Variants in CDK8 observed in about 807,000 individuals in gnomAD.
CDK8 encodes the protein cyclin dependent kinase 8, also known as cyclin-dependent kinase 8.
Under a neutral mutation model 71.5 loss-of-function variants are expected in CDK8, and 29 were observed. The ratio of observed to expected loss-of-function variants is 0.41; its 90% CI spans 0.30 to 0.55. CDK8 has a LOEUF of 0.55. Ranked by LOEUF, CDK8 falls within the 20% of genes least tolerant of loss-of-function variation. The pLI, the probability that CDK8 is intolerant of heterozygous loss-of-function variation, is 0.37. For missense variants in CDK8, 288 were observed against 572.6 expected (o/e 0.50, Z 5.07); for synonymous variants, 161 against 192.1 (o/e 0.84, Z 1.34).
chr13:26,293,340 C>T (rs143496336), intron 1 of CDK8, among the ~76,000 whole-genome samples: 3,772 of 152,044 alleles, frequency 0.025, 117 homozygotes, highest in South Asian at 0.078. Flanking sequence ...TGGTGGCTCA[C>T]GCCTGTAATC....
intron 1 of CDK8, among the ~76,000 whole-genome samples, chr13:26,269,303 A>T (rs1005756018): frequency 6.6e-6 from 1 of 152,204 alleles, no homozygotes; most frequent in Non-Finnish European, 1.5e-5. Flanking sequence ...AAATACACAT[A>T]TATTTTTATC....
At chr13:26,347,692 C>T (rs1235102541) in intron 2 of CDK8, among the ~76,000 whole-genome samples, 3 of 152,170 alleles carry the variant, frequency 2.0e-5, no homozygotes, top group Admixed American at 6.5e-5. Flanking sequence ...AGATGTTCGA[C>T]ACCATTATTG....
rs1258708871 is a variant in CDK8, at chr13:26,254,851, C to T, written c.128+82C>T. On this transcript the variant is annotated intron_variant, in intron 1 of 12. Coordinates refer to ENST00000381527, the MANE Select transcript of CDK8 (RefSeq NM_001260.3). This position sits in a 1 kb window ranked among gnomAD's most constrained non-coding sequence, Gnocchi z 6.7. ...GCAGGTAGCCCGGAGGGAGAGCGGG[C>T]CGCCGGGGTGCCGGGCTCTGACTTC... The T allele has an allele frequency of 8.4e-6, 13 of 1,546,554 alleles. No homozygotes were observed. Among genetic ancestry groups the T allele is most frequent in the East Asian group, 2.4e-5 (1 of 42,544 alleles).
intron 4 of CDK8, among the ~76,000 whole-genome samples, chr13:26,369,347 G>A (rs1029256587): frequency 6.6e-6 from 1 of 150,670 alleles, no homozygotes; most frequent in African/African-American, 2.4e-5. Context: ...CTACTCAGGA[G>A]GCTGAAGTGG....
chr13:26,334,345 A>G (rs923923893), intron 1 of CDK8, among the ~76,000 whole-genome samples: 1 of 152,220 alleles, frequency 6.6e-6, no homozygotes, highest in Non-Finnish European at 1.5e-5. Flanking sequence ...CAGTAGATAT[A>G]ATAGAATGTG....
intron 2 of CDK8, among the ~76,000 whole-genome samples, chr13:26,338,812 G>T (rs993382818): frequency 6.6e-6 from 1 of 152,134 alleles, no homozygotes; most frequent in African/African-American, 2.4e-5. Context: ...AAGTCAGGAT[G>T]TTGATTACCC....
intron 1 of CDK8, among the ~76,000 whole-genome samples, chr13:26,286,081 C>T (rs1873005287): frequency 6.6e-6 from 1 of 152,182 alleles, no homozygotes; most frequent in Non-Finnish European, 1.5e-5. Context: ...AATGACCATA[C>T]TGCCAAAAGC....
At chr13:26,276,158 C>A (rs7997534) in intron 1 of CDK8, among the ~76,000 whole-genome samples, 25,879 of 152,016 alleles carry the variant, frequency 0.17, 3,876 homozygotes, top group African/African-American at 0.41. Context: ...ACCGGCTGTA[C>A]CTTTTAAATA....
chr13:26,317,242 A>G (rs1207772004), intron 1 of CDK8, among the ~76,000 whole-genome samples: 2 of 152,210 alleles, frequency 1.3e-5, no homozygotes, highest in African/African-American at 4.8e-5. Context: ...ATTATATATT[A>G]GTACAGAATT....
intron 12 of CDK8, among the ~76,000 whole-genome samples, chr13:26,402,500 T>C (rs920961522): frequency 2.6e-5 from 4 of 152,232 alleles, no homozygotes; most frequent in African/African-American, 9.6e-5. Flanking sequence ...AGAGATGTTA[T>C]TAAACTGATA....
intron 4 of CDK8, among the ~76,000 whole-genome samples, chr13:26,363,501 T>TA (rs932747001): frequency 6.6e-5 from 10 of 152,016 alleles, no homozygotes; most frequent in African/African-American, 2.4e-4. Context: ...CTTCAAAGCT[T>TA]ATTTTGGAAA....
At chr13:26,283,670 C>CG (rs1566470979) in intron 1 of CDK8, among the ~76,000 whole-genome samples, 1 of 152,040 alleles carries the variant, frequency 6.6e-6, no homozygotes, top group Non-Finnish European at 1.5e-5. Context: ...GAGGCTGAGG[C>CG]GGGCGGATCA....
At chr13:26,317,683 T>A (rs1247502926) in intron 1 of CDK8, among the ~76,000 whole-genome samples, 1 of 152,176 alleles carries the variant, frequency 6.6e-6, no homozygotes, top group Non-Finnish European at 1.5e-5. Context: ...CAACACACTC[T>A]TTAAACTTCT....
chr13:26,383,379 G>C (rs779624424), intron 5 of CDK8, among the ~76,000 whole-genome samples: 1 of 152,152 alleles, frequency 6.6e-6, no homozygotes, highest in Non-Finnish European at 1.5e-5. Context: ...GCCTTTCCCT[G>C]ATGGGAAAAA....
intron 1 of CDK8, among the ~76,000 whole-genome samples, chr13:26,334,124 A>G (rs1287837548): frequency 6.6e-6 from 1 of 152,160 alleles, no homozygotes; most frequent in Non-Finnish European, 1.5e-5. Context: ...AAAAACATAT[A>G]TTACTTGGAG....
intron 2 of CDK8, among the ~76,000 whole-genome samples, chr13:26,338,622 T>C (rs561027219): frequency 6.6e-6 from 1 of 152,254 alleles, no homozygotes; most frequent in South Asian, 2.1e-4. Flanking sequence ...TGGAGGATAT[T>C]GTTAACCAAA....
chr13:26,340,627 G>A (rs192615545), intron 2 of CDK8, among the ~76,000 whole-genome samples: 16 of 152,042 alleles, frequency 1.1e-4, no homozygotes, highest in African/African-American at 3.6e-4. Flanking sequence ...ATTCTTCCTC[G>A]AAGAAGTTGT....
chr13:26,373,826 G>A (rs138004299), intron 4 of CDK8, among the ~76,000 whole-genome samples: 36 of 151,986 alleles, frequency 2.4e-4, no homozygotes, highest in African/African-American at 8.7e-4. Flanking sequence ...AAAAGCATAT[G>A]TTATGTTCTA....
At chr13:26,277,969 A>G (rs373139310) in intron 1 of CDK8, among the ~76,000 whole-genome samples, 1 of 152,222 alleles carries the variant, frequency 6.6e-6, no homozygotes, top group Non-Finnish European at 1.5e-5. Flanking sequence ...CCCCAAGTGT[A>G]GAACTGTGAC....
Sources: allele counts gnomAD v4.1 joint callset (sites outside exome capture counted in the v4.1 genomes callset), GRCh38; gene constraint gnomAD v4.1.1; non-coding constraint Gnocchi (gnomAD v3.1); transcripts MANE v1.5; gene names NCBI Gene and HGNC (gene_info 2026-07-23, HGNC 2026-07-21).